C12orf50: variants seen among roughly 807,000 people sequenced by gnomAD.
The protein encoded by C12orf50 is zinc finger CCCH-type containing 11D.
Under a neutral mutation model 61.6 loss-of-function variants are expected in C12orf50, and 35 were observed. That is an observed-to-expected ratio of 0.57 (90% CI 0.43 to 0.75). The LOEUF (loss-of-function observed/expected upper bound fraction) is 0.75. Ranked by LOEUF, C12orf50 falls within the 30% of genes least tolerant of loss-of-function variation. The probability of loss-of-function intolerance (pLI) is 0.00; values close to 1 mark genes in which losing one functional copy is unlikely to be tolerated. For missense variants in C12orf50, 475 were observed against 488.5 expected, an observed-to-expected ratio of 0.97 and a Z score of 0.26; for synonymous variants, 178 against 161.5, an observed-to-expected ratio of 1.10 and a Z score of -0.77.
chr12:87,996,344 C>A, intron 6 of C12orf50, 30 bp downstream of exon 6: 1 of 1,415,398 alleles, frequency 7.1e-7, no homozygotes, highest in Non-Finnish European at 1.0e-6. Flanking sequence ...TGTTATAGAT[C>A]ACTATGAATG....
chr12:87,992,755 T>C (rs1177635071), intron 7 of C12orf50, among the ~76,000 whole-genome samples: 2 of 152,186 alleles, frequency 1.3e-5, no homozygotes, highest in African/African-American at 4.8e-5. Context: ...TATGGTTATA[T>C]TGATACATAC....
Position 88,026,954 on chromosome 12 carries a change from C to T in C12orf50, c.9G>A (p.Met3Ile). 1.2e-6 allele frequency: 2 copies of T among 1,610,736 alleles called. No homozygotes were observed. The highest frequency in any genetic ancestry group is 2.2e-5 in the South Asian group (2 of 89,974). The change falls in exon 2 of 13, where the codon ATG becomes ATA. Residue 3 changes from methionine to isoleucine, a missense_variant. By Grantham distance (10) the Met-to-Ile change is conservative. Transcript: ENST00000298699. The part of the protein sequence containing the change: ME[M>I]QQNCSISCFW... ...TGATGACGCCAAGTAATTCTACCTGCATTTCCATGTGTCTAAATCTGCAAA... is the reference window on the plus strand; with the variant it reads ...TGATGACGCCAAGTAATTCTACCTGTATTTCCATGTGTCTAAATCTGCAAA...
chr12:88,029,276 G>T, intron 1 of C12orf50, 64 bp downstream of exon 1: 1 of 305,284 alleles, frequency 3.3e-6, no homozygotes. Context: ...CTTTAAAACT[G>T]ACCTCCTGTT....
chr12:87,987,799 T>C, intron 9 of C12orf50, 51 bp downstream of exon 9: 3 of 1,158,850 alleles, frequency 2.6e-6, no homozygotes, highest in Non-Finnish European at 3.8e-6. Flanking sequence ...AACAAATCCA[T>C]GGTAAGACAA....
intron 3 of C12orf50, among the ~76,000 whole-genome samples, chr12:88,023,919 T>C (rs1333573931): frequency 6.6e-6 from 1 of 151,998 alleles, no homozygotes; most frequent in Non-Finnish European, 1.5e-5. Flanking sequence ...TATCCAGAAT[T>C]TATAAGGGAC....
At chr12:88,025,756 A>G (rs1350946926) in intron 3 of C12orf50, among the ~76,000 whole-genome samples, 1 of 152,164 alleles carries the variant, frequency 6.6e-6, no homozygotes, top group African/African-American at 2.4e-5. Flanking sequence ...AAACAAACAA[A>G]CAAACAAAAA....
At chr12:88,026,398 G>A (rs2032708159) in intron 3 of C12orf50, 90 bp downstream of exon 3, 1 of 1,429,274 alleles carries the variant, frequency 7.0e-7, no homozygotes, top group African/African-American at 1.4e-5. Flanking sequence ...TGCTCACCTT[G>A]TCATACTTTT....
intron 3 of C12orf50, among the ~76,000 whole-genome samples, chr12:88,016,908 T>C (rs4306350): frequency 0.26 from 40,167 of 152,116 alleles, 10,780 homozygotes; most frequent in African/African-American, 0.69. Context: ...TAAGGCATGC[T>C]TGGGAAGGCT....
intron 3 of C12orf50, among the ~76,000 whole-genome samples, chr12:88,018,279 C>T (rs998214116): frequency 3.5e-4 from 53 of 152,288 alleles, no homozygotes; most frequent in African/African-American, 1.2e-3. Flanking sequence ...CAGCTCAGGC[C>T]GTGGTTTCAG....
At chr12:87,993,215 A>T (rs1486926648) in intron 7 of C12orf50, among the ~76,000 whole-genome samples, 2 of 152,206 alleles carry the variant, frequency 1.3e-5, no homozygotes, top group Non-Finnish European at 2.9e-5. Flanking sequence ...TAGGTAATAT[A>T]TTATTAATGT....
intron 7 of C12orf50, among the ~76,000 whole-genome samples, chr12:87,994,041 A>T (rs749845860): frequency 7.2e-5 from 11 of 152,058 alleles, no homozygotes; most frequent in Non-Finnish European, 1.3e-4. Context: ...CTCTACTAAA[A>T]ATACAAAAAT....
chr12:87,999,771 C>A (rs894996648), intron 3 of C12orf50, among the ~76,000 whole-genome samples: 1 of 151,942 alleles, frequency 6.6e-6, no homozygotes, highest in African/African-American at 2.4e-5. Flanking sequence ...AAAGTGGAAA[C>A]AACCTAAATT....
rs530941337 is a variant in C12orf50, at chr12:87,980,164, G to A, written c.*167C>T. 1 of 651,972 alleles carries A rather than the reference G, an allele frequency of 1.5e-6. No individual in the cohort carries two copies. The highest frequency in any genetic ancestry group is 2.0e-5 in the South Asian group (1 of 49,112). The allele number at this position is 651,972 out of a possible 1,614,324, so 40.4% of individuals were successfully genotyped here. ...TTTATCAGTTTTGAAAGAGCACAAT[G>A]TACTTCCTGCATCTTATTTTCAGAA... On this transcript the variant is annotated 3_prime_UTR_variant, in exon 13 of 13. Coordinates refer to ENST00000298699, the MANE Select transcript of C12orf50 (RefSeq NM_152589.3).
chr12:87,991,206 A>G (rs931031761), intron 7 of C12orf50, among the ~76,000 whole-genome samples: 17 of 152,198 alleles, frequency 1.1e-4, no homozygotes, highest in Admixed American at 9.8e-4. Context: ...GCTGCCTGCC[A>G]GGAGAAAAGT....
At position 87,989,294 on chromosome 12, in the gene C12orf50, T is replaced by C. The variant is rs2031001281; in HGVS notation, c.670A>G (p.Ile224Val). 3 of 1,610,614 alleles carry C rather than the reference T, an allele frequency of 1.9e-6. No individual in the cohort carries two copies. Among genetic ancestry groups the C allele is most frequent in the African/African-American group, 2.7e-5 (2 of 74,828 alleles). ...GTATTTGAACATTTTGATATGGTGA[T>C]TTCTTTCTCTTCAGTTAAAGCTTCA... is the stretch of plus-strand genomic sequence containing the variant. ...ESEALTEEKE[I>V]TISKCSNTKD... The change falls in exon 8 of 13, where the codon ATC becomes GTC. Residue 224 changes from isoleucine to valine, a missense_variant. By Grantham distance (29) the Ile-to-Val change is conservative. Transcript: ENST00000298699.
chr12:88,017,597 T>C (rs963278043), intron 3 of C12orf50, among the ~76,000 whole-genome samples: 1 of 151,904 alleles, frequency 6.6e-6, no homozygotes, highest in Non-Finnish European at 1.5e-5. Context: ...CAGGCAGAGG[T>C]TGGAACAGTT....
intron 3 of C12orf50, among the ~76,000 whole-genome samples, chr12:88,002,938 G>A (rs1031261698): frequency 6.6e-6 from 1 of 151,618 alleles, no homozygotes; most frequent in Non-Finnish European, 1.5e-5. Context: ...AGATATAAGA[G>A]GTTACTCCTA....
At chr12:88,009,960 A>G (rs947174714) in intron 3 of C12orf50, among the ~76,000 whole-genome samples, 1 of 152,098 alleles carries the variant, frequency 6.6e-6, no homozygotes, top group African/African-American at 2.4e-5. Context: ...CATTTTGATC[A>G]ATAATTGACT....
intron 11 of C12orf50, chr12:87,984,930 G>A (rs968417964): frequency 4.0e-5 from 6 of 151,734 alleles, no homozygotes; most frequent in East Asian, 1.9e-4. Context: ...TTAAAAGCAC[G>A]TTTCACCTAA....
Sources: allele counts gnomAD v4.1 joint callset (sites outside exome capture counted in the v4.1 genomes callset), GRCh38; gene constraint gnomAD v4.1.1; transcripts MANE v1.5; gene names NCBI Gene and HGNC (gene_info 2026-07-23, HGNC 2026-07-21).